Variants in LRRC63 observed in about 807,000 individuals in gnomAD.
The protein encoded by LRRC63 is leucine rich repeat containing 63.
In LRRC63, 40 loss-of-function variants were observed where a neutral mutation model predicts 49.5. That is an observed-to-expected ratio of 0.81 (90% CI 0.63 to 1.05). The LOEUF (loss-of-function observed/expected upper bound fraction) is 1.05, where lower values mean the gene tolerates loss of function less well. Ranked by LOEUF, LRRC63 falls within the 50% of genes least tolerant of loss-of-function variation. The probability of loss-of-function intolerance (pLI) is 0.00; values close to 1 mark genes in which losing one functional copy is unlikely to be tolerated. For synonymous variants in LRRC63, 191 were observed against 221.1 expected (o/e 0.86, Z 1.21); for missense variants, 636 against 663.1 (o/e 0.96, Z 0.45).
chr13:46,254,306 T>G (rs2047456013), intron 7 of LRRC63, among the ~76,000 whole-genome samples: 1 of 152,094 alleles, frequency 6.6e-6, no homozygotes, highest in Admixed American at 6.6e-5. Flanking sequence ...TATTGTTAGT[T>G]TTTTAAAGAC....
intron 5 of LRRC63, among the ~76,000 whole-genome samples, chr13:46,240,209 C>T (rs2047020680): frequency 6.6e-6 from 1 of 150,400 alleles, no homozygotes; most frequent in South Asian, 2.1e-4. Context: ...TCACTGCAAG[C>T]TCTGTCTCCC....
chr13:46,264,454 T>C (rs2047655655), intron 8 of LRRC63, among the ~76,000 whole-genome samples: 1 of 151,848 alleles, frequency 6.6e-6, no homozygotes, highest in East Asian at 1.9e-4. Context: ...AGTTAGTTAG[T>C]TTTGAATTAT....
At chr13:46,276,063 C>T (rs1351234508) in intron 9 of LRRC63, among the ~76,000 whole-genome samples, 1 of 152,034 alleles carries the variant, frequency 6.6e-6, no homozygotes, top group Non-Finnish European at 1.5e-5. Flanking sequence ...ATTTTTTCTT[C>T]TTCTGTGAAT....
At chr13:46,218,313 CTCT>C (rs1298110601) in intron 2 of LRRC63, among the ~76,000 whole-genome samples, 2 of 152,156 alleles carry the variant, frequency 1.3e-5, no homozygotes, top group African/African-American at 4.8e-5. Flanking sequence ...GGATGGTTAG[CTCT>C]TCTTGTTGCA....
chr13:46,221,282 C>T (rs2046400169), intron 2 of LRRC63, among the ~76,000 whole-genome samples: 1 of 152,168 alleles, frequency 6.6e-6, no homozygotes, highest in Non-Finnish European at 1.5e-5. Context: ...AGATTTTCCA[C>T]ATAGCATGAT....
At chr13:46,219,879 G>T (rs181611335) in intron 2 of LRRC63, among the ~76,000 whole-genome samples, 147 of 152,268 alleles carry the variant, frequency 9.7e-4, no homozygotes, top group Admixed American at 2.3e-3. Flanking sequence ...AGGTCTGCTG[G>T]AGTTTGCTGA....
At chr13:46,224,598 A>T (rs1172957444) in intron 2 of LRRC63, among the ~76,000 whole-genome samples, 1 of 152,134 alleles carries the variant, frequency 6.6e-6, no homozygotes, top group Non-Finnish European at 1.5e-5. Context: ...TTACTGGAGA[A>T]TTCTTGTTTT....
intron 5 of LRRC63, among the ~76,000 whole-genome samples, chr13:46,235,345 C>G (rs1712240832): frequency 1.3e-5 from 2 of 151,972 alleles, no homozygotes; most frequent in Non-Finnish European, 2.9e-5. Context: ...ATACAGACTT[C>G]ACAAAAAAAG....
chr13:46,260,663 A>T (rs2047600244), intron 7 of LRRC63, among the ~76,000 whole-genome samples: 1 of 152,216 alleles, frequency 6.6e-6, no homozygotes, highest in South Asian at 2.1e-4. Flanking sequence ...GGAAGAGATG[A>T]CATCTGAGCC....
At chr13:46,219,234 A>G (rs1286590661) in intron 2 of LRRC63, among the ~76,000 whole-genome samples, 1 of 152,200 alleles carries the variant, frequency 6.6e-6, no homozygotes, top group African/African-American at 2.4e-5. Context: ...AGTTTCAGGT[A>G]CACCAATCAA....
intron 9 of LRRC63, chr13:46,270,318 T>C: frequency 1.2e-6 from 1 of 846,302 alleles, no homozygotes; most frequent in East Asian, 2.4e-5. Flanking sequence ...CAGAACAAGG[T>C]CTCTGGGAAA....
At chr13:46,243,005 T>C (rs2047108686) in intron 5 of LRRC63, among the ~76,000 whole-genome samples, 1 of 152,274 alleles carries the variant, frequency 6.6e-6, no homozygotes, top group East Asian at 1.9e-4. Context: ...AATTGAAAAC[T>C]AGACAAATTC....
chr13:46,254,850 T>C (rs1224262605), intron 7 of LRRC63, among the ~76,000 whole-genome samples: 1 of 152,160 alleles, frequency 6.6e-6, no homozygotes, highest in East Asian at 1.9e-4. Flanking sequence ...ATGTGTAAGA[T>C]GGAGAAGGTA....
At chr13:46,259,042 G>GT (rs1471841904) in intron 7 of LRRC63, among the ~76,000 whole-genome samples, 7 of 152,096 alleles carry the variant, frequency 4.6e-5, no homozygotes, top group Admixed American at 1.3e-4. Flanking sequence ...CGTTCCTAAG[G>GT]TTTTGCTTTG....
chr13:46,276,826 GTGTA>G (rs1430207511), exon 10 of LRRC63: 1,726 of 165,108 alleles, frequency 0.01, 74 homozygotes, highest in African/African-American at 0.043. Context: ...TCGTATGTGT[GTGTA>G]TATATATATA....
chr13:46,271,484 A>C (rs2047757879), intron 9 of LRRC63, among the ~76,000 whole-genome samples: 1 of 152,210 alleles, frequency 6.6e-6, no homozygotes, highest in African/African-American at 2.4e-5. Context: ...TCTGAAACAA[A>C]GTAAAACTGC....
rs1009470420 is a variant in LRRC63, at chr13:46,240,966, C to G, written c.991-5561C>G. On this transcript the variant is annotated intron_variant, in intron 5 of 9. Coordinates refer to ENST00000595396, the Ensembl canonical transcript of LRRC63. ...GTTAAACTACCAGTGACATTCTTCACAGAACTAGAAAAAACTATTATAAAA... is the reference window on the plus strand; with the variant it reads ...GTTAAACTACCAGTGACATTCTTCAGAGAACTAGAAAAAACTATTATAAAA... Among the ~76,000 whole-genome samples the G allele has an allele frequency of 2.6e-5, 4 of 152,218 alleles. No individual in the cohort carries two copies. The South Asian group carries it at 6.2e-4, about 24-fold the overall frequency.
intron 2 of LRRC63, among the ~76,000 whole-genome samples, chr13:46,225,773 A>G (rs2046555556): frequency 1.3e-5 from 2 of 152,180 alleles, no homozygotes; most frequent in Admixed American, 6.5e-5. Context: ...AAGCTTTTCT[A>G]GTCAGTTTTG....
At chr13:46,229,170 G>T (rs2046669597) in intron 4 of LRRC63, among the ~76,000 whole-genome samples, 1 of 152,146 alleles carries the variant, frequency 6.6e-6, no homozygotes, top group Admixed American at 6.5e-5. Flanking sequence ...CAAAATGAAT[G>T]AAAACTAGCA....
Sources: allele counts gnomAD v4.1 joint callset (sites outside exome capture counted in the v4.1 genomes callset), GRCh38; gene constraint gnomAD v4.1.1; transcripts MANE v1.5; gene names NCBI Gene and HGNC (gene_info 2026-07-23, HGNC 2026-07-21).